RAB2A: variants seen among roughly 807,000 people sequenced by gnomAD.
The protein encoded by RAB2A is RAB2A, member RAS oncogene family.
A neutral mutation model predicts 32.5 loss-of-function variants in RAB2A; 7 were observed. The observed-to-expected ratio is 0.22, with a 90% CI of 0.12 to 0.40. The LOEUF is 0.40. Ranked by LOEUF, RAB2A falls within the 10% of genes least tolerant of loss-of-function variation. The probability of loss-of-function intolerance (pLI) is 1.00; values close to 1 mark genes in which losing one functional copy is unlikely to be tolerated. For synonymous variants in RAB2A, 79 were observed against 85.2 expected (o/e 0.93, Z 0.40); for missense variants, 108 against 260.7 (o/e 0.41, Z 4.03).
At chr8:60,594,982 A>G (rs960124806) in intron 6 of RAB2A, among the ~76,000 whole-genome samples, 1 of 152,222 alleles carries the variant, frequency 6.6e-6, no homozygotes, top group African/African-American at 2.4e-5. Context: ...GAAAAGAACT[A>G]TCAGCCCAGA....
chr8:60,580,949 G>C (rs189555179), intron 3 of RAB2A, among the ~76,000 whole-genome samples: 30 of 152,252 alleles, frequency 2.0e-4, no homozygotes, highest in Admixed American at 8.5e-4. Flanking sequence ...TTGATGATCA[G>C]CCATGGGCAA....
In RAB2A at chr8:60,526,057, A is replaced by ATATATATATATATATATAT. The variant is rs57164591; in HGVS notation, c.46+8804_46+8805insTATATATATATATATATAT. On this transcript the variant is annotated intron_variant, in intron 1 of 7. Transcript: ENST00000262646. Reference sequence around the variant, plus strand: ...TATATATATATATATATATATATATAAGTTTTCTGTTGCTAGCATAACAAA... The same window carrying ATATATATATATATATATAT: ...TATATATATATATATATATATATATATATATATATATATATATATAGTTTTCTGTTGCTAGCATAACAAA... Among the ~76,000 whole-genome samples, 8 of 93,796 alleles carry ATATATATATATATATATAT rather than the reference A, an allele frequency of 8.5e-5. 1 individual carries two copies. Among genetic ancestry groups the ATATATATATATATATATAT allele is most frequent in the East Asian group, 7.6e-4 (2 of 2,620 alleles). The allele number at this position is 93,796 out of a possible 152,430, so 61.5% of individuals were successfully genotyped here. A position where few individuals can be genotyped will look rare whatever the true frequency, so the allele number is the denominator to read the frequency against.
At chr8:60,590,602 C>CAT (rs1049114772) in intron 5 of RAB2A, among the ~76,000 whole-genome samples, 1 of 143,490 alleles carries the variant, frequency 7.0e-6, no homozygotes, top group African/African-American at 2.6e-5. Flanking sequence ...ATATATAATA[C>CAT]ATATATATAT....
At chr8:60,611,220 C>T (rs1339230194) in intron 6 of RAB2A, among the ~76,000 whole-genome samples, 12 of 152,130 alleles carry the variant, frequency 7.9e-5, no homozygotes, top group Non-Finnish European at 1.5e-4. Context: ...ATTCTCTAAA[C>T]TCTCCTCTGA....
Position 60,623,065 on chromosome 8 carries a change from AAAAT to A in RAB2A, c.*2300_*2303del, listed in dbSNP as rs1386591385. ...GGACATAGAAAATCAGTCACTGAAA[AAAAT>A]AAACACAGCTTTCAATGTCTCACTC... On this transcript the variant is annotated 3_prime_UTR_variant, in exon 8 of 8. Transcript: ENST00000262646. The A allele has an allele frequency of 2.0e-5, 3 of 152,226 alleles. No homozygotes were observed. Among genetic ancestry groups the A allele is most frequent in the Non-Finnish European group, 2.9e-5 (2 of 68,042 alleles). 9.4% of individuals were successfully genotyped at this position (152,226 alleles called of 1,614,324 possible). A position where few individuals can be genotyped will look rare whatever the true frequency, so the allele number is the denominator to read the frequency against.
chr8:60,528,583 T>C (rs955236612), intron 1 of RAB2A, among the ~76,000 whole-genome samples: 1 of 152,200 alleles, frequency 6.6e-6, no homozygotes, highest in Non-Finnish European at 1.5e-5. Context: ...TTGATTCTAA[T>C]TGTTTTTTTT....
chr8:60,600,884 G>A (rs1444047693), intron 6 of RAB2A, among the ~76,000 whole-genome samples: 2 of 152,166 alleles, frequency 1.3e-5, no homozygotes, highest in Non-Finnish European at 2.9e-5. Context: ...TTGTAACAAT[G>A]TACTAATAAT....
chr8:60,576,959 A>T (rs1239732569), intron 3 of RAB2A, among the ~76,000 whole-genome samples: 2 of 152,150 alleles, frequency 1.3e-5, no homozygotes, highest in Non-Finnish European at 2.9e-5. Context: ...TACTTTAGTG[A>T]TTACCTCCCA....
chr8:60,601,849 A>G (rs1447963134), intron 6 of RAB2A, among the ~76,000 whole-genome samples: 2 of 152,318 alleles, frequency 1.3e-5, no homozygotes, highest in South Asian at 2.1e-4. Context: ...GCATTTTGGT[A>G]GGCTCACAAT....
chr8:60,559,099 C>T, intron 2 of RAB2A, 176 bp downstream of exon 2: 1 of 532,608 alleles, frequency 1.9e-6, no homozygotes, highest in South Asian at 2.5e-5. Flanking sequence ...TAAATATTAC[C>T]TAACTTTGTA....
intron 6 of RAB2A, among the ~76,000 whole-genome samples, chr8:60,614,405 G>A (rs1049922431): frequency 6.6e-6 from 1 of 151,932 alleles, no homozygotes; most frequent in African/African-American, 2.4e-5. Context: ...CAGAAGTTCT[G>A]AATATGTGGC....
intron 1 of RAB2A, among the ~76,000 whole-genome samples, chr8:60,543,855 G>C (rs1018678773): frequency 4.0e-5 from 6 of 151,886 alleles, no homozygotes; most frequent in Non-Finnish European, 5.9e-5. Flanking sequence ...TCAGGAGTTC[G>C]GTTCAAGACC....
intron 1 of RAB2A, among the ~76,000 whole-genome samples, chr8:60,545,181 G>A (rs1213261397): frequency 6.6e-6 from 1 of 151,720 alleles, no homozygotes; most frequent in Non-Finnish European, 1.5e-5. Flanking sequence ...AGAATACCCA[G>A]CACCTACTCG....
intron 1 of RAB2A, among the ~76,000 whole-genome samples, chr8:60,531,213 T>G (rs538842536): frequency 6.6e-6 from 1 of 152,380 alleles, no homozygotes; most frequent in African/African-American, 2.4e-5. Context: ...ATGACCCTTT[T>G]GCATTTGTCC....
intron 6 of RAB2A, among the ~76,000 whole-genome samples, chr8:60,615,498 T>C (rs763024310): frequency 1.3e-5 from 2 of 152,142 alleles, no homozygotes; most frequent in Non-Finnish European, 2.9e-5. Flanking sequence ...CTTAAAAAGT[T>C]TATATATGGG....
chr8:60,566,720 G>A (rs1173256591), intron 2 of RAB2A, among the ~76,000 whole-genome samples: 4 of 152,146 alleles, frequency 2.6e-5, no homozygotes, highest in Non-Finnish European at 5.9e-5. Flanking sequence ...AATAGTGAAC[G>A]TGGTTCTCAA....
chr8:60,593,129 T>C (rs1803969010), intron 6 of RAB2A, among the ~76,000 whole-genome samples: 1 of 152,210 alleles, frequency 6.6e-6, no homozygotes, highest in African/African-American at 2.4e-5. Context: ...CGAAGAATTC[T>C]TTCTTAGGTA....
chr8:60,564,494 T>C (rs939654984), intron 2 of RAB2A, among the ~76,000 whole-genome samples: 4 of 152,234 alleles, frequency 2.6e-5, no homozygotes, highest in African/African-American at 9.6e-5. Context: ...ATATTTTCTG[T>C]CTACAGTTTC....
intron 2 of RAB2A, among the ~76,000 whole-genome samples, chr8:60,566,476 G>GT (rs1273244839): frequency 6.6e-6 from 1 of 151,192 alleles, no homozygotes; most frequent in Non-Finnish European, 1.5e-5. Flanking sequence ...TTGTTTTTTT[G>GT]TTTTTTAACT....
Sources: gnomAD v4.1 joint callset for allele counts (sites outside exome capture counted in the v4.1 genomes callset) on GRCh38, gnomAD v4.1.1 for gene constraint, MANE v1.5 for transcripts, NCBI Gene and HGNC (gene_info 2026-07-23, HGNC 2026-07-21) for gene names.